The following CSMD3 variants were observed in gnomAD, a reference collection of about 807,000 sequenced individuals.
CSMD3 encodes the protein CUB and Sushi multiple domains 3, also known as CUB and sushi domain-containing protein 3.
A neutral mutation model predicts 435.2 loss-of-function variants in CSMD3; 177 were observed. The ratio of observed to expected loss-of-function variants is 0.41; its 90% CI spans 0.36 to 0.46. The LOEUF (loss-of-function observed/expected upper bound fraction) is 0.46. Ranked by LOEUF, CSMD3 falls within the 20% of genes least tolerant of loss-of-function variation. The probability of loss-of-function intolerance (pLI) is 0.34; values close to 1 mark genes in which losing one functional copy is unlikely to be tolerated. For missense variants in CSMD3, 4,265 were observed against 4,504.6 expected, an observed-to-expected ratio of 0.95 and a Z score of 1.52; for synonymous variants, 1,656 against 1,520.5, an observed-to-expected ratio of 1.09 and a Z score of -2.07.
intron 3 of CSMD3, among the ~76,000 whole-genome samples, chr8:113,202,288 T>C (rs2092723181): frequency 6.6e-6 from 1 of 152,144 alleles, no homozygotes; most frequent in African/African-American, 2.4e-5. Flanking sequence ...TCTCAAATTA[T>C]AGTTCTCTAA....
chr8:112,690,595 C>CG (rs202187440), intron 13 of CSMD3, among the ~76,000 whole-genome samples: 1,758 of 150,406 alleles, frequency 0.012, 37 homozygotes, highest in African/African-American at 0.041. Flanking sequence ...AGACCCCCCC[C>CG]CCCAACAAAA....
rs140353157 is a variant in CSMD3, at chr8:113,116,962, G to A, written c.710-17999C>T. On this transcript the variant is annotated intron_variant, in intron 4 of 70. Transcript: ENST00000297405. ...ATCTGGCAGAAGAAATTTCTAAGTG[G>A]CAAAGCATTCAAGAGGAAACACGGC... is the stretch of plus-strand genomic sequence containing the variant. Among the ~76,000 whole-genome samples, 700 of 152,226 alleles carry A rather than the reference G, an allele frequency of 4.6e-3. 5 individuals carry two copies. The highest frequency in any genetic ancestry group is 0.015 in the African/African-American group (615 of 41,550).
chr8:112,905,321 TAC>T (rs1554715002), intron 10 of CSMD3, among the ~76,000 whole-genome samples: 4 of 145,580 alleles, frequency 2.7e-5, no homozygotes, highest in South Asian at 4.3e-4. Flanking sequence ...TATATATATA[TAC>T]ACACACACAC....
intron 2 of CSMD3, among the ~76,000 whole-genome samples, chr8:113,279,096 A>G (rs1013254552): frequency 6.6e-6 from 1 of 151,562 alleles, no homozygotes; most frequent in African/African-American, 2.4e-5. Flanking sequence ...TGCTGTTGAT[A>G]TTATATAAAA....
chr8:112,582,565 A>G (rs1368427332), intron 23 of CSMD3, among the ~76,000 whole-genome samples: 3 of 151,998 alleles, frequency 2.0e-5, no homozygotes, highest in African/African-American at 7.2e-5. Flanking sequence ...TATCTAAGCC[A>G]TGGTTAGGGC....
At chr8:112,298,688 G>A (rs1820582237) in intron 53 of CSMD3, among the ~76,000 whole-genome samples, 1 of 152,046 alleles carries the variant, frequency 6.6e-6, no homozygotes, top group Non-Finnish European at 1.5e-5. Context: ...TTTACAAATA[G>A]CCAATAAGCC....
chr8:112,316,386 G>T (rs1822464380), intron 47 of CSMD3, among the ~76,000 whole-genome samples: 1 of 151,352 alleles, frequency 6.6e-6, no homozygotes, highest in African/African-American at 2.4e-5. Flanking sequence ...ACATAAAAAA[G>T]AAATAGATAA....
chr8:112,523,710 G>C (rs1374906054), intron 27 of CSMD3, among the ~76,000 whole-genome samples: 2 of 152,030 alleles, frequency 1.3e-5, no homozygotes, highest in Admixed American at 1.3e-4. Flanking sequence ...TCACCCTGGA[G>C]AATTTTGCCC....
chr8:113,340,882 AG>A (rs913864320), intron 1 of CSMD3, among the ~76,000 whole-genome samples: 4 of 137,960 alleles, frequency 2.9e-5, no homozygotes, highest in African/African-American at 1.1e-4. Context: ...AAAAAAAAAA[AG>A]GGAAATATTT....
rs1362009255 is a variant in CSMD3 at position 113,001,829 on chromosome 8, C to G, written c.1030+17238G>C. On this transcript the variant is annotated intron_variant, in intron 6 of 70. Transcript: ENST00000297405. Reference sequence around the variant, plus strand: ...TACTTAAAGCCACGGTATCTAAGAACCTATTGGAAGAACTTGCCCTTCTCT... The same window carrying G: ...TACTTAAAGCCACGGTATCTAAGAAGCTATTGGAAGAACTTGCCCTTCTCT... Among the ~76,000 whole-genome samples, 3 of 151,966 alleles carry G rather than the reference C, an allele frequency of 2.0e-5. No homozygotes were observed. The East Asian group carries it at 5.8e-4, about 29-fold the overall frequency.
At chr8:113,155,995 G>C (rs1388888720) in intron 4 of CSMD3, among the ~76,000 whole-genome samples, 1 of 152,026 alleles carries the variant, frequency 6.6e-6, no homozygotes, top group Non-Finnish European at 1.5e-5. Flanking sequence ...TCAAGAGTTA[G>C]AGAATCAGGA....
intron 27 of CSMD3, among the ~76,000 whole-genome samples, chr8:112,525,829 ATAT>A (rs1563658853): frequency 4.8e-4 from 56 of 116,028 alleles, no homozygotes; most frequent in Middle Eastern, 5.3e-3. Context: ...TATAAAAAAT[ATAT>A]ATATATATAT....
chr8:112,337,441 T>C (rs1413367967), intron 43 of CSMD3, 102 bp downstream of exon 43: 12 of 874,092 alleles, frequency 1.4e-5, no homozygotes, highest in Admixed American at 3.6e-5. Flanking sequence ...AGAGACTATA[T>C]ATTTAGCATG....
chr8:112,285,104 A>T (rs987746008), intron 58 of CSMD3, among the ~76,000 whole-genome samples: 2 of 152,016 alleles, frequency 1.3e-5, no homozygotes, highest in Admixed American at 6.6e-5. Flanking sequence ...TGAGAAAAAT[A>T]TTAATTCTAT....
intron 45 of CSMD3, among the ~76,000 whole-genome samples, chr8:112,323,670 A>C (rs1302996547): frequency 6.6e-6 from 1 of 152,046 alleles, no homozygotes; most frequent in Non-Finnish European, 1.5e-5. Flanking sequence ...ACTTTGTTTC[A>C]GCAGCCCTAG....
chr8:112,754,255 T>C (rs2077640109), intron 13 of CSMD3, among the ~76,000 whole-genome samples: 1 of 152,188 alleles, frequency 6.6e-6, no homozygotes, highest in South Asian at 2.1e-4. Flanking sequence ...TAATCAACTC[T>C]GGTCTCCCTC....
chr8:112,343,791 C>T (rs1388424611), intron 41 of CSMD3, among the ~76,000 whole-genome samples: 5 of 152,092 alleles, frequency 3.3e-5, no homozygotes, highest in South Asian at 4.1e-4. Flanking sequence ...GACATACAGG[C>T]GGGCTCCACC....
At chr8:112,676,245 G>A (rs1266584705) in intron 16 of CSMD3, among the ~76,000 whole-genome samples, 1 of 152,018 alleles carries the variant, frequency 6.6e-6, no homozygotes, top group Admixed American at 6.6e-5. Context: ...AGAGACAGCG[G>A]CATGTAGATA....
intron 13 of CSMD3, among the ~76,000 whole-genome samples, chr8:112,764,370 T>A (rs2077922721): frequency 6.6e-6 from 1 of 151,300 alleles, no homozygotes; most frequent in African/African-American, 2.4e-5. Flanking sequence ...TAAAGAAAAA[T>A]AAACAGTGAG....
Sources: gnomAD v4.1 joint callset for allele counts (sites outside exome capture counted in the v4.1 genomes callset) on GRCh38, gnomAD v4.1.1 for gene constraint, MANE v1.5 for transcripts, NCBI Gene and HGNC (gene_info 2026-07-23, HGNC 2026-07-21) for gene names.